The following MCMBP variants were observed in gnomAD, a reference collection of about 807,000 sequenced individuals.
The protein encoded by MCMBP is mini-chromosome maintenance complex-binding protein.
In MCMBP, 31 loss-of-function variants were observed where a neutral mutation model predicts 81.3. The ratio of observed to expected loss-of-function variants is 0.38; its 90% CI spans 0.29 to 0.51. The LOEUF is 0.51. Among genes scored for constraint, MCMBP ranks in the 20% least tolerant of loss-of-function variants. The pLI is 0.87. For missense variants in MCMBP, 645 were observed against 772.1 expected, an observed-to-expected ratio of 0.84 and a Z score of 1.95; for synonymous variants, 267 against 275.9, an observed-to-expected ratio of 0.97 and a Z score of 0.32.
In MCMBP at chr10:119,829,457, T is replaced by C. The variant is rs986809907; in HGVS notation, c.*2017A>G. The C allele has an allele frequency of 1.3e-5, 2 of 152,242 alleles. No homozygotes were observed. The highest frequency in any genetic ancestry group is 4.8e-5 in the African/African-American group (2 of 41,458). 9.4% of individuals were successfully genotyped at this position (152,242 alleles called of 1,614,324 possible). A position where few individuals can be genotyped will look rare whatever the true frequency, so the allele number is the denominator to read the frequency against. ...TACAGAAATTAGTTCGAAAGAGATC[T>C]TTGAAAAATCATTTTAAGAAGGCAA... On this transcript the variant is annotated 3_prime_UTR_variant, in exon 16 of 16. Transcript: ENST00000369077.
intron 7 of MCMBP, 94 bp downstream of exon 7, chr10:119,849,331 C>T (rs1852728183): frequency 7.5e-7 from 1 of 1,325,222 alleles, no homozygotes; most frequent in African/African-American, 1.5e-5. Flanking sequence ...TATAGCTAGC[C>T]CAGCACAAGG....
At chr10:119,866,221 C>T (rs974088908) in intron 1 of MCMBP, among the ~76,000 whole-genome samples, 5 of 152,062 alleles carry the variant, frequency 3.3e-5, no homozygotes, top group African/African-American at 4.8e-5. Flanking sequence ...CTACACGAAA[C>T]GTCCAGAATA....
At position 119,831,619 on chromosome 10, in the gene MCMBP, A is replaced by G. The variant is rs547551791; in HGVS notation, c.1797-19T>C. ...CAGACACCTGGTTTGAAACACAGAA[A>G]CAAATTTAAGTCTAGAGCTGGGATA... On this transcript the variant is annotated intron_variant, in intron 15 of 15. Transcript: ENST00000369077. 1.2e-6 allele frequency: 2 copies of G among 1,607,684 alleles called. No individual in the cohort carries two copies. Among genetic ancestry groups the G allele is most frequent in the African/African-American group, 2.7e-5 (2 of 74,580 alleles).
At chr10:119,840,803 G>T in intron 11 of MCMBP, 40 bp downstream of exon 11, 2 of 1,159,104 alleles carry the variant, frequency 1.7e-6, no homozygotes, top group Non-Finnish European at 2.4e-6. Context: ...GATTTTTTAA[G>T]TGTGCTTAGG....
intron 6 of MCMBP, among the ~76,000 whole-genome samples, chr10:119,851,217 TAA>T (rs1252677408): frequency 6.6e-6 from 1 of 151,994 alleles, no homozygotes; most frequent in African/African-American, 2.4e-5. Context: ...TGTGTCAAAA[TAA>T]AAAGTTTAAA....
rs960116230 is a variant in MCMBP, at chr10:119,830,213, T to C, written c.*1261A>G. 3 of 152,752 alleles carry C rather than the reference T, an allele frequency of 2.0e-5. No homozygotes were observed. The highest frequency in any genetic ancestry group is 2.9e-5 in the Non-Finnish European group (2 of 68,022). The allele number at this position is 152,752 out of a possible 1,614,324, so 9.5% of individuals were successfully genotyped here. Reference sequence around the variant, plus strand: ...GTTAACAATTTCAATTTAGGCCTTATAGGAAAAAACGTAAGGGATCCTTTA... The same window carrying C: ...GTTAACAATTTCAATTTAGGCCTTACAGGAAAAAACGTAAGGGATCCTTTA... On this transcript the variant is annotated 3_prime_UTR_variant, in exon 16 of 16. Coordinates refer to ENST00000369077, the MANE Select transcript of MCMBP (RefSeq NM_001256378.2).
At chr10:119,833,076 A>C (rs866744186) in intron 14 of MCMBP, among the ~76,000 whole-genome samples, 4 of 152,186 alleles carry the variant, frequency 2.6e-5, no homozygotes, top group African/African-American at 7.2e-5. Flanking sequence ...GCTTGCCCCA[A>C]CTTTTATTTT....
intron 14 of MCMBP, among the ~76,000 whole-genome samples, chr10:119,834,608 G>A (rs760737297): frequency 6.6e-6 from 1 of 151,944 alleles, no homozygotes; most frequent in Non-Finnish European, 1.5e-5. Context: ...CTTGAACCCA[G>A]GAGTTCGAGA....
At chr10:119,847,792 T>C in intron 7 of MCMBP, 79 bp from the exon 8 acceptor site, 1 of 743,560 alleles carries the variant, frequency 1.3e-6, no homozygotes. Flanking sequence ...ACCAATATCT[T>C]GGAATTTTAG....
chr10:119,848,864 G>A (rs1180805358), intron 7 of MCMBP, among the ~76,000 whole-genome samples: 1 of 152,224 alleles, frequency 6.6e-6, no homozygotes, highest in Non-Finnish European at 1.5e-5. Context: ...TATTATGTTA[G>A]AAATGATACA....
chr10:119,860,826 G>A (rs184086438), intron 1 of MCMBP, among the ~76,000 whole-genome samples: 1 of 152,306 alleles, frequency 6.6e-6, no homozygotes, highest in Non-Finnish European at 1.5e-5. Context: ...AAACAATGTT[G>A]TCAAACTACT....
intron 14 of MCMBP, among the ~76,000 whole-genome samples, chr10:119,832,693 C>T (rs1852090982): frequency 6.6e-6 from 1 of 152,072 alleles, no homozygotes; most frequent in Admixed American, 6.6e-5. Context: ...CTGGTGGCTC[C>T]CTGGAAGGAC....
intron 6 of MCMBP, among the ~76,000 whole-genome samples, chr10:119,850,763 A>AC (rs1852787141): frequency 6.6e-6 from 1 of 151,006 alleles, no homozygotes. Context: ...AAAAAAAAAA[A>AC]AGGAAAAAAA....
At position 119,831,185 on chromosome 10, in the gene MCMBP, CA is replaced by C. The variant is rs1446551123; in HGVS notation, c.*288del. ...CTCAGCTGAAGCTAAGGAAATGGTA[CA>C]ATCAGCAACATTATCAATATTAAAC... On this transcript the variant is annotated 3_prime_UTR_variant, in exon 16 of 16. Coordinates refer to ENST00000369077, the MANE Select transcript of MCMBP (RefSeq NM_001256378.2). 1 of 183,134 alleles carries C rather than the reference CA, an allele frequency of 5.5e-6. No homozygotes were observed. Among genetic ancestry groups the C allele is most frequent in the Non-Finnish European group, 1.1e-5 (1 of 88,594 alleles). 11.3% of individuals were successfully genotyped at this position (183,134 alleles called of 1,614,324 possible).
At chr10:119,863,172 C>G (rs889637100) in intron 1 of MCMBP, among the ~76,000 whole-genome samples, 12 of 152,022 alleles carry the variant, frequency 7.9e-5, no homozygotes, top group Non-Finnish European at 1.8e-4. Flanking sequence ...CCCAATTTAT[C>G]AAATTTTTGT....
chr10:119,856,610 A>G (rs1589794576), intron 5 of MCMBP, among the ~76,000 whole-genome samples: 1 of 152,204 alleles, frequency 6.6e-6, no homozygotes, highest in South Asian at 2.1e-4. Flanking sequence ...TATAAATTAT[A>G]TAGGTGTATG....
chr10:119,840,638 A>G (rs1458210074), intron 11 of MCMBP, among the ~76,000 whole-genome samples: 1 of 152,258 alleles, frequency 6.6e-6, no homozygotes, highest in Non-Finnish European at 1.5e-5. Context: ...AGACTTACAG[A>G]AATTTGTGCT....
At chr10:119,832,207 AG>A in intron 14 of MCMBP, 107 bp from the exon 15 acceptor site, 1 of 862,232 alleles carries the variant, frequency 1.2e-6, no homozygotes, top group Non-Finnish European at 1.8e-6. Context: ...TCTTAGACAA[AG>A]GAGGCAATAT....
intron 5 of MCMBP, among the ~76,000 whole-genome samples, 187 bp from the exon 6 acceptor site, chr10:119,853,381 C>G (rs1002311934): frequency 6.6e-6 from 1 of 152,184 alleles, no homozygotes; most frequent in African/African-American, 2.4e-5. Flanking sequence ...TGCTGCTATC[C>G]TTGCTGTAAA....
Sources: allele counts gnomAD v4.1 joint callset (sites outside exome capture counted in the v4.1 genomes callset), GRCh38; gene constraint gnomAD v4.1.1; transcripts MANE v1.5; gene names NCBI Gene and HGNC (gene_info 2026-07-23, HGNC 2026-07-21).